The following DNAJC5B variants were observed in gnomAD, a reference collection of about 807,000 sequenced individuals.
The protein encoded by DNAJC5B is dnaJ homolog subfamily C member 5B.
A neutral mutation model predicts 24.7 loss-of-function variants in DNAJC5B; 23 were observed. The observed-to-expected ratio is 0.93, with a 90% CI of 0.67 to 1.32. The LOEUF is 1.32. Among genes scored for constraint, DNAJC5B ranks in the 40% most tolerant of loss-of-function variants. The pLI is 0.00. For missense variants in DNAJC5B, 238 were observed against 240.8 expected, an observed-to-expected ratio of 0.99 and a Z score of 0.08; for synonymous variants, 101 against 90.1, an observed-to-expected ratio of 1.12 and a Z score of -0.68.
rs559252864 is a variant in DNAJC5B at position 66,068,029 on chromosome 8, T to A, written c.120-8631T>A. On this transcript the variant is annotated intron_variant, in intron 3 of 5. Transcript: ENST00000276570. ...CTGGGTAGCCAAGGAAACCTTGATCTTTAATATTGGATTAAGATGATCTTA... is the reference window on the plus strand; with the variant it reads ...CTGGGTAGCCAAGGAAACCTTGATCATTAATATTGGATTAAGATGATCTTA... 4.3e-3 allele frequency among the ~76,000 whole-genome samples: 657 copies of A among 152,360 alleles called. 4 individuals carry two copies. Among genetic ancestry groups the A allele is most frequent in the South Asian group, 0.013 (63 of 4,832 alleles).
intron 1 of DNAJC5B, among the ~76,000 whole-genome samples, chr8:66,038,051 T>A (rs1806527026): frequency 6.6e-6 from 1 of 152,220 alleles, no homozygotes; most frequent in Non-Finnish European, 1.5e-5. Context: ...GGGGGTTCCC[T>A]TTGTCATTTA....
chr8:66,095,138 T>A (rs1414711865), intron 5 of DNAJC5B, among the ~76,000 whole-genome samples: 1 of 152,088 alleles, frequency 6.6e-6, no homozygotes, highest in East Asian at 1.9e-4. Context: ...TATTCCTTTG[T>A]TTTTTACTTC....
Position 66,051,744 on chromosome 8 carries a change from T to G in DNAJC5B, c.119+78T>G. 3.6e-6 allele frequency: 4 copies of G among 1,118,526 alleles called. No individual in the cohort carries two copies. The South Asian group carries it at 5.6e-5, about 16-fold the overall frequency. 69.3% of individuals were successfully genotyped at this position (1,118,526 alleles called of 1,614,324 possible). On this transcript the variant is annotated intron_variant, in intron 3 of 5. Transcript: ENST00000276570. Reference sequence around the variant, plus strand: ...CTGGCAGATTCCTCCATTAAAGACATAAGCTTCTCACTAAGACCAGTAATC... The same window carrying G: ...CTGGCAGATTCCTCCATTAAAGACAGAAGCTTCTCACTAAGACCAGTAATC...
chr8:66,023,525 CAT>C (rs1806187800), intron 1 of DNAJC5B, among the ~76,000 whole-genome samples: 1 of 152,086 alleles, frequency 6.6e-6, no homozygotes, highest in African/African-American at 2.4e-5. Context: ...CTTAAAAAAA[CAT>C]GTATACAATT....
chr8:66,049,091 T>C (rs1806789941), intron 2 of DNAJC5B, among the ~76,000 whole-genome samples: 1 of 152,244 alleles, frequency 6.6e-6, no homozygotes, highest in East Asian at 1.9e-4. Context: ...GCCCACACTT[T>C]AGGCTTCTGA....
chr8:66,035,009 T>C (rs559939098), intron 1 of DNAJC5B, among the ~76,000 whole-genome samples: 2 of 152,364 alleles, frequency 1.3e-5, no homozygotes, highest in South Asian at 4.1e-4. Flanking sequence ...AAATAACTCC[T>C]TTTAGCTATC....
chr8:66,065,894 G>T (rs1029192738), intron 3 of DNAJC5B, among the ~76,000 whole-genome samples: 6 of 152,096 alleles, frequency 3.9e-5, no homozygotes, highest in African/African-American at 1.4e-4. Flanking sequence ...AGCATGGCAG[G>T]TCTTTTGAGT....
At chr8:66,050,531 T>C (rs185181022) in intron 2 of DNAJC5B, among the ~76,000 whole-genome samples, 5 of 152,326 alleles carry the variant, frequency 3.3e-5, no homozygotes, top group Non-Finnish European at 4.4e-5. Flanking sequence ...TAGATAGTTC[T>C]ATATTTTTAA....
intron 3 of DNAJC5B, among the ~76,000 whole-genome samples, chr8:66,071,171 G>A (rs1408622064): frequency 6.6e-6 from 1 of 152,100 alleles, no homozygotes. Flanking sequence ...AACACCAAAA[G>A]CAATGGCAAC....
chr8:66,081,568 A>C (rs1807597020), intron 5 of DNAJC5B, among the ~76,000 whole-genome samples: 1 of 152,184 alleles, frequency 6.6e-6, no homozygotes, highest in Admixed American at 6.5e-5. Flanking sequence ...GTTGTCAAGC[A>C]CTGGAGACTA....
intron 3 of DNAJC5B, among the ~76,000 whole-genome samples, chr8:66,070,954 G>T (rs1352095585): frequency 6.6e-6 from 1 of 152,122 alleles, no homozygotes; most frequent in Non-Finnish European, 1.5e-5. Flanking sequence ...AATGGGGAAA[G>T]GATTCCCTAT....
chr8:66,042,801 G>A lies in DNAJC5B; in HGVS notation c.-141-687G>A, dbSNP rs998732783. On this transcript the variant is annotated intron_variant, in intron 1 of 5. Transcript: ENST00000276570. ...ATAAACTCTGGCTGGAAATCCGAAG[G>A]TATCTAAAAAACTCTCAACTAGAGG... 8.1e-5 allele frequency among the ~76,000 whole-genome samples: 12 copies of A among 147,904 alleles called. No homozygotes were observed. The Admixed American group carries it at 8.3e-4, about 10-fold the overall frequency.
At chr8:66,040,843 T>C (rs1362096192) in intron 1 of DNAJC5B, among the ~76,000 whole-genome samples, 1 of 152,240 alleles carries the variant, frequency 6.6e-6, no homozygotes. Flanking sequence ...TATACATGTT[T>C]ATAGATTTCA....
intron 3 of DNAJC5B, among the ~76,000 whole-genome samples, chr8:66,063,267 A>C (rs1451529461): frequency 6.6e-6 from 1 of 152,244 alleles, no homozygotes; most frequent in Non-Finnish European, 1.5e-5. Context: ...TTTTCAAAAG[A>C]AGCAGAAAAG....
intron 5 of DNAJC5B, among the ~76,000 whole-genome samples, chr8:66,081,991 T>C (rs1674946656): frequency 6.6e-6 from 1 of 152,094 alleles, no homozygotes; most frequent in Non-Finnish European, 1.5e-5. Flanking sequence ...TAAGGAGTAA[T>C]GTATGCATGG....
chr8:66,046,061 C>T (rs1806716600), intron 2 of DNAJC5B, among the ~76,000 whole-genome samples: 1 of 152,098 alleles, frequency 6.6e-6, no homozygotes, highest in Non-Finnish European at 1.5e-5. Context: ...ACGCTCAGGG[C>T]TATGGCTCAT....
chr8:66,027,366 T>C (rs965461561), intron 1 of DNAJC5B, among the ~76,000 whole-genome samples: 22 of 152,236 alleles, frequency 1.4e-4, no homozygotes, highest in African/African-American at 5.1e-4. Flanking sequence ...CCGTCTCTTC[T>C]GCCTGGGGAA....
chr8:66,033,771 T>C (rs954406025), intron 1 of DNAJC5B, among the ~76,000 whole-genome samples: 4 of 45,554 alleles, frequency 8.8e-5, no homozygotes, highest in East Asian at 3.5e-4. Flanking sequence ...ATCATTCCGC[T>C]TTTTTTTTTT....
intron 3 of DNAJC5B, chr8:66,058,091 C>G (rs1198171680): frequency 6.6e-6 from 1 of 152,216 alleles, no homozygotes; most frequent in Non-Finnish European, 1.5e-5. Flanking sequence ...CGCTCCTAGC[C>G]TGTACTTTGT....
Sources: gnomAD v4.1 joint callset for allele counts (sites outside exome capture counted in the v4.1 genomes callset) on GRCh38, gnomAD v4.1.1 for gene constraint, MANE v1.5 for transcripts, NCBI Gene and HGNC (gene_info 2026-07-23, HGNC 2026-07-21) for gene names.